Variants in TENM2 observed in about 807,000 individuals in gnomAD.
TENM2 encodes the protein teneurin transmembrane protein 2, also known as teneurin-2.
Under a neutral mutation model 245.2 loss-of-function variants are expected in TENM2, and 52 were observed. The observed-to-expected ratio is 0.21, with a 90% CI of 0.17 to 0.27. The LOEUF is 0.27. Among genes scored for constraint, TENM2 ranks in the 10% least tolerant of loss-of-function variants. The probability of loss-of-function intolerance (pLI) is 1.00; values close to 1 mark genes in which losing one functional copy is unlikely to be tolerated. For missense variants in TENM2, 3,046 were observed against 3,666.8 expected (o/e 0.83, Z 4.37); for synonymous variants, 1,363 against 1,438.9 (o/e 0.95, Z 1.19).
chr5:167,729,665 C>T (rs1278768091), intron 2 of TENM2, among the ~76,000 whole-genome samples: 1 of 152,156 alleles, frequency 6.6e-6, no homozygotes, highest in Non-Finnish European at 1.5e-5. Flanking sequence ...TAGTGACTAT[C>T]TAAGGCCTGA....
At chr5:168,253,429 A>T (rs6880406) in intron 27 of TENM2, among the ~76,000 whole-genome samples, 70,915 of 131,166 alleles carry the variant, frequency 0.54, 18,462 homozygotes, top group South Asian at 0.63. Flanking sequence ...TCATTATTTT[A>T]TTTTTTTTTT....
intron 2 of TENM2, among the ~76,000 whole-genome samples, chr5:167,423,775 T>C (rs754721554): frequency 2.6e-5 from 4 of 152,188 alleles, no homozygotes; most frequent in Non-Finnish European, 2.9e-5. Context: ...ATCATTTTCA[T>C]TCACCCTCGG....
chr5:167,881,807 C>A (rs188232119), intron 3 of TENM2, among the ~76,000 whole-genome samples: 1 of 152,170 alleles, frequency 6.6e-6, no homozygotes, highest in South Asian at 2.1e-4. Context: ...CCTCTTGCCC[C>A]AAATGCAGAG....
At chr5:167,774,247 A>AGGAG (rs772889804) in intron 2 of TENM2, among the ~76,000 whole-genome samples, 87 of 151,736 alleles carry the variant, frequency 5.7e-4, no homozygotes, top group South Asian at 4.2e-4. Flanking sequence ...GAAGGAAGGA[A>AGGAG]GGAAGGAAAA....
intron 13 of TENM2, among the ~76,000 whole-genome samples, chr5:168,185,674 A>C (rs1306862414): frequency 6.6e-6 from 1 of 151,972 alleles, no homozygotes; most frequent in Non-Finnish European, 1.5e-5. Context: ...AATTCTGCTC[A>C]ATCTATAGCA....
At chr5:167,373,944 C>T (rs1367504076) in intron 1 of TENM2, among the ~76,000 whole-genome samples, 5 of 152,290 alleles carry the variant, frequency 3.3e-5, no homozygotes, top group Admixed American at 3.3e-4. Context: ...TCTCTTTGCT[C>T]CCTGTCAGAT....
At chr5:167,366,313 T>C (rs1283653744) in intron 1 of TENM2, among the ~76,000 whole-genome samples, 1 of 152,160 alleles carries the variant, frequency 6.6e-6, no homozygotes, top group East Asian at 1.9e-4. Flanking sequence ...TTATTGTTCC[T>C]AAATTTTCTA....
chr5:167,162,625 TA>T, the TENM2 span, among the ~76,000 whole-genome samples: 690 of 119,890 alleles, frequency 5.8e-3, 6 homozygotes, highest in African/African-American at 0.018. Context: ...AGACTGTATC[TA>T]AAAAAAAAAA....
chr5:167,829,875 T>C (rs1375553731), intron 2 of TENM2, among the ~76,000 whole-genome samples: 1 of 152,176 alleles, frequency 6.6e-6, no homozygotes, highest in Non-Finnish European at 1.5e-5. Flanking sequence ...AAAGAGAGGC[T>C]ATGCAGAACA....
chr5:167,544,496 C>T (rs1292414937), intron 2 of TENM2, among the ~76,000 whole-genome samples: 1 of 152,196 alleles, frequency 6.6e-6, no homozygotes, highest in Non-Finnish European at 1.5e-5. Context: ...GTTTTTACAT[C>T]ATCTTCCCTG....
chr5:167,464,202 A>T (rs1766502435), intron 2 of TENM2, among the ~76,000 whole-genome samples: 1 of 152,190 alleles, frequency 6.6e-6, no homozygotes, highest in Admixed American at 6.5e-5. Flanking sequence ...GAAGAGTTCT[A>T]GCCCTGAGGA....
intron 23 of TENM2, among the ~76,000 whole-genome samples, chr5:168,220,882 C>A (rs1763611511): frequency 6.6e-6 from 1 of 152,070 alleles, no homozygotes; most frequent in Admixed American, 6.5e-5. Context: ...GAGGCTAAGG[C>A]AGGAGGATCA....
intron 27 of TENM2, among the ~76,000 whole-genome samples, chr5:168,252,365 C>CAAA (rs35385737): frequency 1.7e-5 from 2 of 115,324 alleles, no homozygotes; most frequent in Non-Finnish European, 1.7e-5. Context: ...GACCCTGTCT[C>CAAA]AAAAAAAAAA....
At chr5:167,522,640 C>A (rs1242767415) in intron 2 of TENM2, among the ~76,000 whole-genome samples, 1 of 151,900 alleles carries the variant, frequency 6.6e-6, no homozygotes, top group African/African-American at 2.4e-5. Flanking sequence ...TAAAAATCTA[C>A]TTAAAAGGCA....
intron 12 of TENM2, among the ~76,000 whole-genome samples, chr5:168,146,608 C>G (rs928862669): frequency 1.3e-5 from 2 of 152,136 alleles, no homozygotes; most frequent in Non-Finnish European, 2.9e-5. Context: ...TCAGAAAATA[C>G]CAGCTAACAT....
chr5:167,195,734 CA>C, the TENM2 span, among the ~76,000 whole-genome samples: 44 of 151,056 alleles, frequency 2.9e-4, no homozygotes, highest in African/African-American at 1.0e-3. Context: ...ATTTGAATGC[CA>C]AAAAAATAAG....
At chr5:167,172,712 A>G in the TENM2 span, among the ~76,000 whole-genome samples, 3 of 151,060 alleles carry the variant, frequency 2.0e-5, no homozygotes, top group Non-Finnish European at 4.4e-5. Flanking sequence ...CTTGGTCTCA[A>G]GCGATACTCC....
intron 3 of TENM2, among the ~76,000 whole-genome samples, chr5:167,929,093 GAA>G (rs1392946717): frequency 1.2e-5 from 1 of 86,038 alleles, no homozygotes; most frequent in Non-Finnish European, 2.3e-5. Context: ...AAGAAAGAAA[GAA>G]AGAAAGAAAG....
At chr5:167,637,641 TA>T (rs1210890840) in intron 2 of TENM2, among the ~76,000 whole-genome samples, 2 of 152,040 alleles carry the variant, frequency 1.3e-5, no homozygotes, top group East Asian at 3.9e-4. Context: ...TATGCAGCCA[TA>T]AAAAGAATGA....
Sources: allele counts gnomAD v4.1 joint callset (sites outside exome capture counted in the v4.1 genomes callset), GRCh38; gene constraint gnomAD v4.1.1; transcripts MANE v1.5; gene names NCBI Gene and HGNC (gene_info 2026-07-23, HGNC 2026-07-21).